Variants in ZNG1A observed in about 807,000 individuals in gnomAD.
ZNG1A encodes Zn regulated GTPase metalloprotein activator 1A.
the ZNG1A span, among the ~76,000 whole-genome samples, chr9:125,220 ATT>A: frequency 6.6e-6 from 1 of 150,742 alleles, no homozygotes; most frequent in Non-Finnish European, 1.5e-5. Context: ...AACATCTACT[ATT>A]TTTTTGATTT....
the ZNG1A span, chr9:150,249 C>T: frequency 2.8e-5 from 4 of 140,368 alleles, no homozygotes; most frequent in South Asian, 9.7e-4. Flanking sequence ...GCCTCAGCCT[C>T]CTGAGTAGCT....
At chr9:178,357 G>A in the ZNG1A span, among the ~76,000 whole-genome samples, 1 of 152,102 alleles carries the variant, frequency 6.6e-6, no homozygotes, top group Non-Finnish European at 1.5e-5. Context: ...ACTCTGGCTC[G>A]TGGGGAAGGG....
chr9:164,816 T>C, the ZNG1A span, among the ~76,000 whole-genome samples: 2 of 151,914 alleles, frequency 1.3e-5, no homozygotes, highest in Non-Finnish European at 2.9e-5. Context: ...ACAAGGATAA[T>C]CAAACTCATT....
At chr9:143,393 T>C in the ZNG1A span, among the ~76,000 whole-genome samples, 17 of 141,238 alleles carry the variant, frequency 1.2e-4, no homozygotes, top group East Asian at 3.5e-3. Flanking sequence ...GTTCAATATA[T>C]GCAAATCAAT....
At chr9:129,249 A>T in the ZNG1A span, among the ~76,000 whole-genome samples, 1 of 152,178 alleles carries the variant, frequency 6.6e-6, no homozygotes, top group Non-Finnish European at 1.5e-5. Context: ...GCCCAAAAAC[A>T]TGAGATATTT....
chr9:146,012 A>G, the ZNG1A span: 25 of 1,214,814 alleles, frequency 2.1e-5, 2 homozygotes, highest in Admixed American at 4.9e-5. Flanking sequence ...GGAAGCTTAA[A>G]TCATGGATGC....
At chr9:144,545 T>C in the ZNG1A span, among the ~76,000 whole-genome samples, 1 of 151,954 alleles carries the variant, frequency 6.6e-6, no homozygotes, top group Non-Finnish European at 1.5e-5. Flanking sequence ...AAAAATCAAT[T>C]CAACATGGAT....
At chr9:177,059 T>C in the ZNG1A span, among the ~76,000 whole-genome samples, 1 of 152,112 alleles carries the variant, frequency 6.6e-6, no homozygotes, top group East Asian at 1.9e-4. Context: ...CAAATTGCTA[T>C]GGAGAACCTA....
chr9:144,474 G>C, the ZNG1A span, among the ~76,000 whole-genome samples: 1,390 of 152,052 alleles, frequency 9.1e-3, 17 homozygotes, highest in African/African-American at 0.032. Flanking sequence ...AAATGGTGCT[G>C]GGAAAACTGG....
the ZNG1A span, among the ~76,000 whole-genome samples, chr9:168,765 A>T: frequency 6.7e-6 from 1 of 148,814 alleles, no homozygotes; most frequent in East Asian, 1.9e-4. Flanking sequence ...AATTATGCTA[A>T]ATCTCCTCTG....
the ZNG1A span, chr9:121,381 C>G: frequency 2.4e-6 from 2 of 843,998 alleles, no homozygotes; most frequent in Non-Finnish European, 3.9e-6. Flanking sequence ...GAATTCGTAA[C>G]TAAAGTAATA....
the ZNG1A span, among the ~76,000 whole-genome samples, chr9:145,808 C>A: frequency 9.9e-5 from 15 of 152,014 alleles, no homozygotes; most frequent in Admixed American, 3.9e-4. Context: ...CTATGTATTT[C>A]ATGCATTTTC....
At chr9:175,877 C>A in the ZNG1A span, 5 of 1,372,536 alleles carry the variant, frequency 3.6e-6, no homozygotes, top group East Asian at 2.5e-5. Context: ...TGAGAATTTG[C>A]GTGCTATTTT....
the ZNG1A span, among the ~76,000 whole-genome samples, chr9:169,854 C>CT: frequency 0.016 from 885 of 53,970 alleles, 7 homozygotes; most frequent in African/African-American, 0.055. Context: ...ATAAACACAG[C>CT]TTTTTTTTTT....
At chr9:144,650 T>C in the ZNG1A span, among the ~76,000 whole-genome samples, 2 of 151,614 alleles carry the variant, frequency 1.3e-5, no homozygotes, top group African/African-American at 4.8e-5. Flanking sequence ...GGACTTCATG[T>C]CTAAAACACC....
the ZNG1A span, among the ~76,000 whole-genome samples, chr9:175,175 C>G: frequency 6.6e-6 from 1 of 152,242 alleles, no homozygotes; most frequent in East Asian, 1.9e-4. Context: ...GCCAGGAGCT[C>G]AAGACCATCC....
the ZNG1A span, among the ~76,000 whole-genome samples, chr9:127,258 T>C: frequency 6.6e-6 from 1 of 152,116 alleles, no homozygotes; most frequent in Non-Finnish European, 1.5e-5. Flanking sequence ...TGATGACCTG[T>C]CCAGTGCTGT....
At chr9:138,986 T>G in the ZNG1A span, among the ~76,000 whole-genome samples, 2 of 149,474 alleles carry the variant, frequency 1.3e-5, no homozygotes, top group South Asian at 4.3e-4. Context: ...TGCCTACCCT[T>G]AAGCAAAATT....
At chr9:140,704 G>T in the ZNG1A span, among the ~76,000 whole-genome samples, 1 of 152,012 alleles carries the variant, frequency 6.6e-6, no homozygotes, top group South Asian at 2.1e-4. Flanking sequence ...TGACTTTGAC[G>T]AGCTGAGAGA....
Sources: allele counts gnomAD v4.1 joint callset (sites outside exome capture counted in the v4.1 genomes callset), GRCh38; gene constraint gnomAD v4.1.1; transcripts MANE v1.5; gene names NCBI Gene and HGNC (gene_info 2026-07-23, HGNC 2026-07-21).